The following DLG1 variants were observed in gnomAD, a reference collection of about 807,000 sequenced individuals.
The protein encoded by DLG1 is disks large homolog 1.
Under a neutral mutation model 123.4 loss-of-function variants are expected in DLG1, and 42 were observed. The ratio of observed to expected loss-of-function variants is 0.34; its 90% CI spans 0.27 to 0.44. DLG1 has a LOEUF of 0.44. DLG1 is among the 20% of genes least tolerant of loss of function. DLG1 has a pLI of 1.00. For synonymous variants in DLG1, 317 were observed against 356.2 expected (o/e 0.89, Z 1.24); for missense variants, 942 against 1,082.6 (o/e 0.87, Z 1.82).
chr3:197,277,207 T>C (rs1005529017), intron 4 of DLG1, among the ~76,000 whole-genome samples: 1 of 151,984 alleles, frequency 6.6e-6, no homozygotes, highest in Non-Finnish European at 1.5e-5. Flanking sequence ...ATCTTACTTT[T>C]ATGGTTTTTT....
At chr3:197,228,816 T>A (rs939935918) in intron 4 of DLG1, among the ~76,000 whole-genome samples, 1 of 152,160 alleles carries the variant, frequency 6.6e-6, no homozygotes, top group Non-Finnish European at 1.5e-5. Flanking sequence ...GTAATAATAA[T>A]AAATAATTAT....
At chr3:197,165,203 G>C (rs1168468267) in intron 5 of DLG1, among the ~76,000 whole-genome samples, 1 of 152,156 alleles carries the variant, frequency 6.6e-6, no homozygotes, top group Non-Finnish European at 1.5e-5. Flanking sequence ...TAATATAAAT[G>C]CAAGGGGAAG....
intron 4 of DLG1, among the ~76,000 whole-genome samples, chr3:197,200,599 C>T (rs571990359): frequency 3.2e-4 from 49 of 152,188 alleles, no homozygotes; most frequent in Non-Finnish European, 1.2e-4. Flanking sequence ...AAATCGAACC[C>T]GACAGCACCA....
intron 24 of DLG1, among the ~76,000 whole-genome samples, chr3:197,050,922 C>A (rs550447348): frequency 6.6e-6 from 1 of 152,202 alleles, no homozygotes; most frequent in Admixed American, 6.5e-5. Context: ...GTCAATTATA[C>A]CTCAACATGG....
In DLG1 at chr3:197,268,282, TAA is replaced by T. The variant is rs1421630840; in HGVS notation, c.318+14395_318+14396del. 6.6e-5 allele frequency among the ~76,000 whole-genome samples: 10 copies of T among 152,350 alleles called. 2 individuals are homozygous for T. The East Asian group carries it at 1.9e-3, about 29-fold the overall frequency. ...ATTGGGGGTGTCTTCTAGGAACACA[TAA>T]GTCTAACCAATGTGACATACTTAAG... On this transcript the variant is annotated intron_variant, in intron 4 of 24. Coordinates refer to ENST00000667157, the MANE Select transcript of DLG1 (RefSeq NM_001366207.1).
At chr3:197,069,187 T>C in intron 19 of DLG1, 32 bp downstream of exon 19, 1 of 1,530,214 alleles carries the variant, frequency 6.5e-7, no homozygotes, top group South Asian at 1.2e-5. Flanking sequence ...TTACTCGAGA[T>C]TACAAAAGAA....
At chr3:197,200,595 A>T (rs1725125812) in intron 4 of DLG1, among the ~76,000 whole-genome samples, 1 of 152,220 alleles carries the variant, frequency 6.6e-6, no homozygotes. Flanking sequence ...TAGCAAATCG[A>T]ACCCGACAGC....
At chr3:197,258,572 G>A (rs1313209036) in intron 4 of DLG1, among the ~76,000 whole-genome samples, 1 of 152,056 alleles carries the variant, frequency 6.6e-6, no homozygotes, top group Non-Finnish European at 1.5e-5. Flanking sequence ...GAGGGGAGGC[G>A]GATGATGAAA....
chr3:197,294,264 G>T (rs1776299224), intron 3 of DLG1, among the ~76,000 whole-genome samples: 1 of 152,008 alleles, frequency 6.6e-6, no homozygotes, highest in Non-Finnish European at 1.5e-5. Context: ...ACATCCTATA[G>T]AACATTAAAT....
At chr3:197,229,088 A>C (rs1741475395) in intron 4 of DLG1, among the ~76,000 whole-genome samples, 1 of 152,212 alleles carries the variant, frequency 6.6e-6, no homozygotes, top group African/African-American at 2.4e-5. Context: ...AGTGGGTAGA[A>C]GCCAGGGATG....
At chr3:197,182,107 G>A (rs1712498325) in intron 5 of DLG1, among the ~76,000 whole-genome samples, 2 of 151,300 alleles carry the variant, frequency 1.3e-5, no homozygotes, top group Non-Finnish European at 2.9e-5. Context: ...TACATATATA[G>A]AAGGGTGTGC....
At chr3:197,172,897 C>CT (rs1804958986) in intron 5 of DLG1, among the ~76,000 whole-genome samples, 1 of 152,130 alleles carries the variant, frequency 6.6e-6, no homozygotes, top group Non-Finnish European at 1.5e-5. Flanking sequence ...ATTTTCATCG[C>CT]TTTTCTATTC....
intron 6 of DLG1, among the ~76,000 whole-genome samples, chr3:197,145,103 TAGG>T (rs763596486): frequency 8.5e-5 from 13 of 152,134 alleles, no homozygotes; most frequent in South Asian, 2.1e-4. Context: ...TATCTCAGTT[TAGG>T]AGGAGTAACT....
chr3:197,180,373 C>T (rs1269935935), intron 5 of DLG1, among the ~76,000 whole-genome samples: 1 of 151,938 alleles, frequency 6.6e-6, no homozygotes, highest in Non-Finnish European at 1.5e-5. Flanking sequence ...AGGACGGGGC[C>T]GATTATTGAG....
Position 197,151,353 on chromosome 3 carries a change from T to C in DLG1, c.484-1557A>G, listed in dbSNP as rs1468181539. ...AAAGTTGGTTTTTATCAAAATCTAA[T>C]TTATACCATAATTATTATGTTAGCT... On this transcript the variant is annotated intron_variant, in intron 5 of 24. Transcript: ENST00000667157. Among the ~76,000 whole-genome samples the C allele has an allele frequency of 3.9e-5, 6 of 152,192 alleles. No individual in the cohort carries two copies. In the East Asian group the frequency reaches 9.6e-4, roughly 24 times the overall value.
chr3:197,178,374 T>C (rs1459157094), intron 5 of DLG1, among the ~76,000 whole-genome samples: 1 of 152,186 alleles, frequency 6.6e-6, no homozygotes, highest in African/African-American at 2.4e-5. Context: ...TAAGGGTTTT[T>C]GTCTTCAGCA....
chr3:197,150,818 T>C (rs1057224631), intron 5 of DLG1, among the ~76,000 whole-genome samples: 1 of 152,064 alleles, frequency 6.6e-6, no homozygotes, highest in African/African-American at 2.4e-5. Flanking sequence ...AGCTAAATGA[T>C]ATGACAAAAT....
chr3:197,085,511 TAAA>T (rs757619257), intron 16 of DLG1, 66 bp downstream of exon 16: 79 of 1,538,798 alleles, frequency 5.1e-5, no homozygotes, highest in Non-Finnish European at 6.8e-5. Context: ...TGTCACAAAT[TAAA>T]AAAAATTTAA....
chr3:197,060,459 A>T (rs989008030), intron 22 of DLG1, among the ~76,000 whole-genome samples: 1 of 152,158 alleles, frequency 6.6e-6, no homozygotes, highest in African/African-American at 2.4e-5. Flanking sequence ...CATTCTGCCA[A>T]GAAAAGTTAT....
Sources: gnomAD v4.1 joint callset for allele counts (sites outside exome capture counted in the v4.1 genomes callset) on GRCh38, gnomAD v4.1.1 for gene constraint, MANE v1.5 for transcripts, NCBI Gene and HGNC (gene_info 2026-07-23, HGNC 2026-07-21) for gene names.